Variants in CIRSR observed in about 807,000 individuals in gnomAD.
CIRSR encodes CBF1 (RBPJ) interacting corepressor 1.
the CIRSR span, among the ~76,000 whole-genome samples, chr2:174,384,067 A>G: frequency 6.6e-5 from 10 of 152,338 alleles, no homozygotes; most frequent in East Asian, 1.9e-3. Flanking sequence ...TTGACCAGGT[A>G]TTTCTATGCC....
the CIRSR span, among the ~76,000 whole-genome samples, chr2:174,376,185 G>A: frequency 1.3e-5 from 2 of 152,104 alleles, no homozygotes; most frequent in Admixed American, 1.3e-4. Flanking sequence ...TATATGTTAG[G>A]GGTATCCGCC....
chr2:174,354,331 T>C, the CIRSR span, among the ~76,000 whole-genome samples: 1 of 137,562 alleles, frequency 7.3e-6, no homozygotes. Flanking sequence ...AACTTTCTTA[T>C]ATAAGAAATT....
chr2:174,365,221 G>C, the CIRSR span, among the ~76,000 whole-genome samples: 20 of 152,160 alleles, frequency 1.3e-4, no homozygotes, highest in Non-Finnish European at 4.4e-5. Flanking sequence ...AAACACAAGA[G>C]TCACCTTTGC....
the CIRSR span, chr2:174,381,838 A>C: frequency 8.7e-7 from 1 of 1,145,044 alleles, no homozygotes; most frequent in East Asian, 2.5e-5. Context: ...ATTATAGAAT[A>C]ATCCACTCCC....
chr2:174,354,474 T>C, the CIRSR span, among the ~76,000 whole-genome samples: 23 of 93,552 alleles, frequency 2.5e-4, 1 homozygote, highest in Non-Finnish European at 4.3e-4. Context: ...AAAATATATA[T>C]AATATATATT....
chr2:174,350,895 A>C, the CIRSR span: 3 of 603,038 alleles, frequency 5.0e-6, no homozygotes, highest in Non-Finnish European at 8.2e-6. Flanking sequence ...GAGAATTAAA[A>C]AATTTTTTTG....
the CIRSR span, among the ~76,000 whole-genome samples, chr2:174,349,846 T>C: frequency 6.6e-6 from 1 of 152,030 alleles, no homozygotes; most frequent in African/African-American, 2.4e-5. Flanking sequence ...AAAGCAAATA[T>C]ATAGCTATAA....
the CIRSR span, chr2:174,351,471 C>G: frequency 2.3e-5 from 12 of 523,728 alleles, no homozygotes; most frequent in Non-Finnish European, 2.9e-5. Context: ...AATAATAAAG[C>G]AAAATCAAAA....
chr2:174,392,606 C>G, the CIRSR span, among the ~76,000 whole-genome samples: 1 of 152,092 alleles, frequency 6.6e-6, no homozygotes, highest in South Asian at 2.1e-4. Context: ...AAGATGGATT[C>G]AAGAGATATT....
At chr2:174,349,391 C>A in the CIRSR span, among the ~76,000 whole-genome samples, 2 of 151,702 alleles carry the variant, frequency 1.3e-5, no homozygotes, top group East Asian at 1.9e-4. Context: ...ATGGTGAAAC[C>A]CCATCTCTAG....
At chr2:174,376,432 A>C in the CIRSR span, among the ~76,000 whole-genome samples, 14 of 152,302 alleles carry the variant, frequency 9.2e-5, no homozygotes, top group Middle Eastern at 3.4e-3. Flanking sequence ...AAACCCCACC[A>C]TAAGAGGGTT....
At chr2:174,391,537 C>A in the CIRSR span, among the ~76,000 whole-genome samples, 2 of 152,214 alleles carry the variant, frequency 1.3e-5, no homozygotes, top group East Asian at 3.9e-4. Flanking sequence ...CTTCAGTGAG[C>A]TGAGACTGCA....
At chr2:174,361,678 C>A in the CIRSR span, among the ~76,000 whole-genome samples, 1 of 152,170 alleles carries the variant, frequency 6.6e-6, no homozygotes, top group Non-Finnish European at 1.5e-5. Flanking sequence ...ACAAACAAAT[C>A]TTTGCAGCAA....
the CIRSR span, among the ~76,000 whole-genome samples, chr2:174,365,575 TGG>T: frequency 6.6e-6 from 1 of 152,212 alleles, no homozygotes. Flanking sequence ...TCCATGTGGC[TGG>T]GGAAGCCTCA....
At chr2:174,385,675 C>G in the CIRSR span, among the ~76,000 whole-genome samples, 5 of 151,538 alleles carry the variant, frequency 3.3e-5, no homozygotes, top group South Asian at 8.4e-4. Context: ...GATATACGAG[C>G]CAATCTAACA....
At chr2:174,377,393 G>A in the CIRSR span, among the ~76,000 whole-genome samples, 1 of 152,188 alleles carries the variant, frequency 6.6e-6, no homozygotes, top group Non-Finnish European at 1.5e-5. Flanking sequence ...AAGCTTTTAA[G>A]GGTACCTGTA....
chr2:174,349,689 T>G, the CIRSR span, among the ~76,000 whole-genome samples: 5 of 152,000 alleles, frequency 3.3e-5, no homozygotes, highest in African/African-American at 7.3e-5. Flanking sequence ...AAAAATTAAA[T>G]GCATCAAGCC....
At chr2:174,353,588 C>A in the CIRSR span, among the ~76,000 whole-genome samples, 1 of 152,120 alleles carries the variant, frequency 6.6e-6, no homozygotes, top group Non-Finnish European at 1.5e-5. Flanking sequence ...CTGCCTCAGC[C>A]TCTGGAGTAG....
chr2:174,389,535 A>C, the CIRSR span, among the ~76,000 whole-genome samples: 1 of 152,186 alleles, frequency 6.6e-6, no homozygotes, highest in Non-Finnish European at 1.5e-5. Flanking sequence ...AAAATTCTGG[A>C]AATTCTGCAG....
Sources: gnomAD v4.1 joint callset for allele counts (sites outside exome capture counted in the v4.1 genomes callset) on GRCh38, gnomAD v4.1.1 for gene constraint, MANE v1.5 for transcripts, NCBI Gene and HGNC (gene_info 2026-07-23, HGNC 2026-07-21) for gene names.